Variants in EGFL6 observed in about 807,000 individuals in gnomAD.
EGFL6 encodes the protein epidermal growth factor-like protein 6.
A neutral mutation model predicts 43.1 loss-of-function variants in EGFL6; 42 were observed. The observed-to-expected ratio is 0.98, with a 90% confidence interval of 0.76 to 1.26. The LOEUF (loss-of-function observed/expected upper bound fraction) is 1.26. Ranked by LOEUF, EGFL6 falls within the 50% of genes most tolerant of loss-of-function variation. EGFL6 has a pLI of 0.00. For missense variants in EGFL6, 429 were observed against 427.8 expected (o/e 1.00, Z -0.02); for synonymous variants, 164 against 163.2 (o/e 1.01, Z -0.04).
intron 11 of EGFL6, among the ~76,000 whole-genome samples, chrX:13,632,761 C>A (rs1400575227): frequency 2.7e-5 from 3 of 111,262 alleles, no homozygotes; most frequent in Non-Finnish European, 5.7e-5. Context: ...AGCTTTATGG[C>A]GTTTTTCAGA....
At chrX:13,620,310 T>A (rs1160524631) in intron 9 of EGFL6, among the ~76,000 whole-genome samples, 1 of 111,400 alleles carries the variant, frequency 9.0e-6, no homozygotes, top group Non-Finnish European at 1.9e-5. Context: ...CTCTTTCCTT[T>A]TCAAAGTTTC....
At chrX:13,618,973 G>C (rs935568425) in intron 8 of EGFL6, among the ~76,000 whole-genome samples, 190 bp from the exon 9 acceptor site, 1 of 111,363 alleles carries the variant, frequency 9.0e-6, no homozygotes, top group South Asian at 3.8e-4. Context: ...GAAATGTCTG[G>C]AAAAGATGTT....
At chrX:13,617,500 G>A (rs1029273132) in intron 7 of EGFL6, among the ~76,000 whole-genome samples, 3 of 112,130 alleles carry the variant, frequency 2.7e-5, no homozygotes, top group Admixed American at 9.4e-5. Flanking sequence ...AGTGGTCTCC[G>A]AAGCAAAACA....
chrX:13,594,765 C>G (rs867799948), intron 2 of EGFL6, 71 bp from the exon 3 acceptor site: 11 of 986,794 alleles, frequency 1.1e-5, no homozygotes, highest in South Asian at 2.2e-5. Context: ...CAGAACGCAG[C>G]GAAGTTTTGC....
Position 13,603,350 on chromosome X carries a change from A to T in EGFL6, c.434A>T (p.Tyr145Phe). The change falls in exon 5 of 12, where the codon TAC becomes TTC. Residue 145 changes from tyrosine (Y) to phenylalanine (F), a missense_variant. Transcript: ENST00000361306. ...SRTCAMINCQ[Y>F]SCEDTEEGPQ... Reference sequence around the variant, plus strand: ...ACATGTGCCATGATAAACTGTCAGTACAGCTGTGAAGACACAGAAGAAGGG... The same window carrying T: ...ACATGTGCCATGATAAACTGTCAGTTCAGCTGTGAAGACACAGAAGAAGGG... 1 of 1,210,434 alleles carries T rather than the reference A, an allele frequency of 8.3e-7. No individual in the cohort carries two copies. Among genetic ancestry groups the T allele is most frequent in the Non-Finnish European group, 1.1e-6 (1 of 894,628 alleles).
Position 13,573,216 on chromosome X carries a change from C to T in EGFL6, c.74+3281C>T, listed in dbSNP as rs144603600. 6.2e-4 allele frequency among the ~76,000 whole-genome samples: 69 copies of T among 111,577 alleles called. 1 individual carries two copies. In the East Asian group the frequency reaches 0.018, roughly 29 times the overall value. On this transcript the variant is annotated intron_variant, in intron 1 of 11. Coordinates refer to ENST00000361306, the MANE Select transcript of EGFL6 (RefSeq NM_015507.4). ...CCGGGGATTAGGATGTATACCTCTG[C>T]GGGGTGGGGGCGTTATTCAGCCTTT...
chrX:13,577,174 A>G (rs1006003237), intron 1 of EGFL6, among the ~76,000 whole-genome samples: 3 of 108,309 alleles, frequency 2.8e-5, no homozygotes, highest in Non-Finnish European at 5.7e-5. Flanking sequence ...GGGAGGAAGG[A>G]TACAAGTCCA....
At chrX:13,626,402 G>T (rs895214440) in intron 10 of EGFL6, among the ~76,000 whole-genome samples, 6 of 112,053 alleles carry the variant, frequency 5.4e-5, no homozygotes, top group Non-Finnish European at 1.1e-4. Flanking sequence ...CCGAAGATTG[G>T]ATATGAGCAA....
chrX:13,585,798 T>C (rs2045530461), intron 1 of EGFL6, among the ~76,000 whole-genome samples: 1 of 111,666 alleles, frequency 9.0e-6, no homozygotes, highest in South Asian at 3.8e-4. Context: ...GAAATCCAAC[T>C]CAAATGTCAC....
At chrX:13,601,009 T>C (rs1244661608) in intron 4 of EGFL6, among the ~76,000 whole-genome samples, 1 of 110,315 alleles carries the variant, frequency 9.1e-6, no homozygotes, top group African/African-American at 3.3e-5. Flanking sequence ...GCCTTCCTTC[T>C]CTAGGGATTT....
rs1194595573 is a variant in EGFL6 at position 13,608,398 on chromosome X, A to G, written c.730A>G (p.Lys244Glu). ...TTGCTTCAATACCCAAGGGTCCTTCAAGTGTAAATGCAAGCAGGGATATAA... is the reference window on the plus strand; with the variant it reads ...TTGCTTCAATACCCAAGGGTCCTTCGAGTGTAAATGCAAGCAGGGATATAA... ...ANCFNTQGSF[K>E]CKCKQGYKGN... Residue 244 changes from lysine (K) to glutamate (E), a missense_variant, in exon 7 of 12, where the codon AAG (lysine) becomes GAG (glutamate). By Grantham distance (56) the Lys-to-Glu change is moderately conservative (BLOSUM62 1). Transcript: ENST00000361306. The G allele has an allele frequency of 8.3e-7, 1 of 1,211,439 alleles. No homozygotes were observed. The highest frequency in any genetic ancestry group is 2.3e-4 in the Middle Eastern group (1 of 4,351).
intron 1 of EGFL6, among the ~76,000 whole-genome samples, chrX:13,581,256 G>C (rs1210000451): frequency 1.8e-5 from 2 of 112,112 alleles, no homozygotes; most frequent in Admixed American, 9.4e-5. Flanking sequence ...GTATAGGAGA[G>C]CTTTATAACC....
intron 7 of EGFL6, among the ~76,000 whole-genome samples, chrX:13,610,371 C>T (rs1020507750): frequency 8.9e-6 from 1 of 112,082 alleles, no homozygotes; most frequent in African/African-American, 3.2e-5. Context: ...GGAGTAGGGA[C>T]ATTCCACTGC....
chrX:13,576,282 A>G (rs5935611), intron 1 of EGFL6, among the ~76,000 whole-genome samples: 12,765 of 110,161 alleles, frequency 0.12, 710 homozygotes, highest in Middle Eastern at 0.2. Flanking sequence ...GGTGCCACAC[A>G]CTCATACACT....
chrX:13,588,389 T>C (rs1488922152), intron 1 of EGFL6, among the ~76,000 whole-genome samples: 1 of 112,496 alleles, frequency 8.9e-6, no homozygotes. Context: ...TGTGCATTCC[T>C]TTGTCTGTTA....
At chrX:13,628,870 G>A (rs993112607) in intron 11 of EGFL6, among the ~76,000 whole-genome samples, 2 of 112,541 alleles carry the variant, frequency 1.8e-5, no homozygotes, top group African/African-American at 3.2e-5. Context: ...GAAAAAGGGT[G>A]AAAGCTAGAA....
chrX:13,595,654 T>C (rs769062890), intron 3 of EGFL6, among the ~76,000 whole-genome samples: 38 of 112,006 alleles, frequency 3.4e-4, no homozygotes, highest in African/African-American at 1.2e-3. Context: ...AATATTTTTG[T>C]AGGAAAAATA....
At chrX:13,602,322 T>C (rs1377721067) in intron 4 of EGFL6, among the ~76,000 whole-genome samples, 3 of 111,977 alleles carry the variant, frequency 2.7e-5, no homozygotes, top group Non-Finnish European at 5.6e-5. Context: ...TTAGCCCCCC[T>C]GCATTTCTAA....
intron 9 of EGFL6, among the ~76,000 whole-genome samples, chrX:13,622,221 G>C (rs1280140351): frequency 1.8e-5 from 2 of 111,721 alleles, no homozygotes; most frequent in African/African-American, 6.5e-5. Context: ...AGAAAGGAAA[G>C]TGAGGAAAGG....
Sources: gnomAD v4.1 joint callset for allele counts (sites outside exome capture counted in the v4.1 genomes callset) on GRCh38, gnomAD v4.1.1 for gene constraint, MANE v1.5 for transcripts, NCBI Gene and HGNC (gene_info 2026-07-23, HGNC 2026-07-21) for gene names.